CNBD1: variants seen among roughly 807,000 people sequenced by gnomAD.
The protein encoded by CNBD1 is cyclic nucleotide-binding domain-containing protein 1.
A neutral mutation model predicts 54.4 loss-of-function variants in CNBD1; 71 were observed. The observed-to-expected ratio is 1.30, with a 90% CI of 1.08 to 1.59. The LOEUF is 1.59. Ranked by LOEUF, CNBD1 falls within the 40% of genes most tolerant of loss-of-function variation. The probability of loss-of-function intolerance (pLI) is 0.00; values close to 1 mark genes in which losing one functional copy is unlikely to be tolerated. For missense variants in CNBD1, 659 were observed against 518.0 expected (o/e 1.27, Z -2.64); for synonymous variants, 182 against 170.7 (o/e 1.07, Z -0.51).
chr8:86,888,827 C>T (rs1808718537), intron 2 of CNBD1, among the ~76,000 whole-genome samples: 1 of 152,020 alleles, frequency 6.6e-6, no homozygotes, highest in African/African-American at 2.4e-5. Flanking sequence ...GCTTTCTGGC[C>T]CAGACGCATT....
At chr8:87,278,429 CAAAAA>C (rs1808527433) in intron 6 of CNBD1, among the ~76,000 whole-genome samples, 1 of 151,044 alleles carries the variant, frequency 6.6e-6, no homozygotes. Context: ...TCAAAGTAGA[CAAAAA>C]AGAAACACAC....
intron 4 of CNBD1, among the ~76,000 whole-genome samples, chr8:86,996,499 G>C (rs1457616610): frequency 6.6e-6 from 1 of 152,166 alleles, no homozygotes; most frequent in African/African-American, 2.4e-5. Context: ...TCACATTGCT[G>C]TTTAATATTT....
intron 10 of CNBD1, among the ~76,000 whole-genome samples, chr8:87,356,828 G>A (rs1256730911): frequency 1.3e-5 from 2 of 152,140 alleles, no homozygotes; most frequent in African/African-American, 4.8e-5. Flanking sequence ...GGTCCTCAAA[G>A]GAATTTCAGA....
At chr8:87,313,281 T>G (rs985708582) in intron 8 of CNBD1, among the ~76,000 whole-genome samples, 2 of 152,058 alleles carry the variant, frequency 1.3e-5, no homozygotes, top group African/African-American at 4.8e-5. Context: ...GAGAAAATAT[T>G]TGTCATAGAA....
chr8:87,109,742 G>A (rs966429128), intron 4 of CNBD1, among the ~76,000 whole-genome samples: 1 of 151,836 alleles, frequency 6.6e-6, no homozygotes, highest in Non-Finnish European at 1.5e-5. Flanking sequence ...GTCTCACCGT[G>A]TTAGCCAGGA....
At chr8:87,365,952 G>A (rs1317580636) in intron 10 of CNBD1, among the ~76,000 whole-genome samples, 2 of 151,902 alleles carry the variant, frequency 1.3e-5, no homozygotes, top group Non-Finnish European at 2.9e-5. Flanking sequence ...ATGATTTTAC[G>A]ATCACTCTTA....
At chr8:87,391,136 A>G (rs905563618) in intron 2 of CNBD1, among the ~76,000 whole-genome samples, 4 of 152,154 alleles carry the variant, frequency 2.6e-5, no homozygotes, top group Admixed American at 2.0e-4. Context: ...TATATACCTA[A>G]TGTTAAATGA....
At chr8:87,087,549 C>T (rs1479441490) in intron 4 of CNBD1, among the ~76,000 whole-genome samples, 9 of 150,348 alleles carry the variant, frequency 6.0e-5, no homozygotes, top group African/African-American at 1.5e-4. Flanking sequence ...CTGCAAACTC[C>T]GCCTCCCGGG....
chr8:86,910,842 C>T (rs1483365841), intron 3 of CNBD1, among the ~76,000 whole-genome samples: 3 of 152,146 alleles, frequency 2.0e-5, no homozygotes, highest in Non-Finnish European at 2.9e-5. Flanking sequence ...TGCAGAGAGA[C>T]GGGGTCCCAA....
At chr8:87,424,696 A>C (rs1377196023) in intron 2 of CNBD1, among the ~76,000 whole-genome samples, 2 of 152,154 alleles carry the variant, frequency 1.3e-5, no homozygotes, top group Non-Finnish European at 2.9e-5. Context: ...ATCCGCTGTT[A>C]GTCTGATGGG....
rs71275901 is a variant in CNBD1 at position 86,951,581 on chromosome 8, C to CAAAAAAAAAAAAAAAAAAAAAA, written c.431+11844_431+11865dup. 9.6e-4 allele frequency among the ~76,000 whole-genome samples: 36 copies of CAAAAAAAAAAAAAAAAAAAAAA among 37,360 alleles called. 12 individuals carry two copies. Among genetic ancestry groups the CAAAAAAAAAAAAAAAAAAAAAA allele is most frequent in the South Asian group, 1.3e-3 (1 of 774 alleles). The allele number at this position is 37,360 out of a possible 152,430, so 24.5% of individuals were successfully genotyped here. On this transcript the variant is annotated intron_variant, in intron 4 of 10. Transcript: ENST00000518476. ...GGTGACAGAGCGAGGCTCCGTCTCA[C>CAAAAAAAAAAAAAAAAAAAAAA]AAAAAAAAAAAAAAAAAAAAAAAAA...
At chr8:87,008,756 T>C (rs1318798638) in intron 4 of CNBD1, among the ~76,000 whole-genome samples, 1 of 152,194 alleles carries the variant, frequency 6.6e-6, no homozygotes, top group Non-Finnish European at 1.5e-5. Context: ...TGTAAGCTTA[T>C]TTGAGGAATC....
intron 4 of CNBD1, among the ~76,000 whole-genome samples, chr8:87,180,337 T>C (rs986887718): frequency 1.8e-4 from 27 of 152,336 alleles, no homozygotes; most frequent in Middle Eastern, 3.4e-3. Context: ...ATTATATATT[T>C]TTATCACCTT....
chr8:87,075,022 C>T (rs1019355710), intron 4 of CNBD1, among the ~76,000 whole-genome samples: 6 of 152,178 alleles, frequency 3.9e-5, no homozygotes, highest in African/African-American at 1.4e-4. Context: ...TTTTAGTTTG[C>T]TCATCCATAT....
intron 4 of CNBD1, among the ~76,000 whole-genome samples, chr8:87,010,501 C>T (rs1809194866): frequency 6.6e-6 from 1 of 152,130 alleles, no homozygotes; most frequent in African/African-American, 2.4e-5. Flanking sequence ...GTAATGCCAG[C>T]ACTTTGGGAT....
chr8:87,054,408 C>A (rs537262399), intron 4 of CNBD1, among the ~76,000 whole-genome samples: 3 of 152,200 alleles, frequency 2.0e-5, no homozygotes, highest in Non-Finnish European at 4.4e-5. Context: ...CCCCATCCAA[C>A]CCCATTGAGG....
intron 5 of CNBD1, among the ~76,000 whole-genome samples, chr8:87,223,446 G>C (rs747356517): frequency 6.9e-6 from 1 of 145,122 alleles, no homozygotes; most frequent in Non-Finnish European, 1.5e-5. Flanking sequence ...CTGTGTCCAT[G>C]TGATCTCATT....
intron 4 of CNBD1, among the ~76,000 whole-genome samples, chr8:87,038,296 CA>C (rs1472319954): frequency 6.6e-6 from 1 of 152,150 alleles, no homozygotes; most frequent in East Asian, 1.9e-4. Flanking sequence ...CCAGCACAGA[CA>C]AAGCCAAGTC....
chr8:86,909,602 G>T (rs1809070611), intron 3 of CNBD1, among the ~76,000 whole-genome samples: 1 of 151,974 alleles, frequency 6.6e-6, no homozygotes, highest in Non-Finnish European at 1.5e-5. Context: ...ATGTATACAT[G>T]TGCCATGTTG....
Sources: allele counts gnomAD v4.1 joint callset (sites outside exome capture counted in the v4.1 genomes callset), GRCh38; gene constraint gnomAD v4.1.1; transcripts MANE v1.5; gene names NCBI Gene and HGNC (gene_info 2026-07-23, HGNC 2026-07-21).